HSPA12A: variants seen among roughly 807,000 people sequenced by gnomAD.
HSPA12A encodes the protein heat shock protein family A (Hsp70) member 12A.
Under a neutral mutation model 69.2 loss-of-function variants are expected in HSPA12A, and 28 were observed. The observed-to-expected ratio is 0.40, with a 90% confidence interval of 0.30 to 0.55. The LOEUF (loss-of-function observed/expected upper bound fraction) is 0.55, where lower values mean the gene tolerates loss of function less well. Ranked by LOEUF, HSPA12A falls within the 20% of genes least tolerant of loss-of-function variation. The pLI is 0.38. For synonymous variants in HSPA12A, 345 were observed against 370.5 expected, an observed-to-expected ratio of 0.93 and a Z score of 0.79; for missense variants, 686 against 900.7, an observed-to-expected ratio of 0.76 and a Z score of 3.05.
At chr10:116,761,123 G>GCTCAAA (rs2133101383) in intron 2 of HSPA12A, among the ~76,000 whole-genome samples, 1 of 152,330 alleles carries the variant, frequency 6.6e-6, no homozygotes, top group African/African-American at 2.4e-5. Flanking sequence ...GCAGAGGTGG[G>GCTCAAA]TGAGTCACTT....
At chr10:116,788,211 GC>G (rs1236709719) in intron 2 of HSPA12A, among the ~76,000 whole-genome samples, 8 of 152,202 alleles carry the variant, frequency 5.3e-5, no homozygotes, top group Non-Finnish European at 7.3e-5. Flanking sequence ...GCGGGAGGCG[GC>G]CGTGCGCACA....
chr10:116,742,476 G>A lies in HSPA12A; in HGVS notation c.-7C>T, dbSNP rs1554887341. On this transcript the variant is annotated 5_prime_UTR_variant, in exon 1 of 12. Coordinates refer to ENST00000369209, the MANE Select transcript of HSPA12A (RefSeq NM_025015.3). The stretch of plus-strand genomic sequence containing the variant: ...CGGCCTCCTTGTCCGCCATGGTCGC[G>A]CAGCCCCGGACCGCGAGGGGAGCCT... The A allele has an allele frequency of 1.4e-6, 2 of 1,385,956 alleles. No individual in the cohort carries two copies. The highest frequency in any genetic ancestry group is 9.4e-7 in the Non-Finnish European group (1 of 1,067,296). The allele number at this position is 1,385,956 out of a possible 1,614,324, so 85.9% of individuals were successfully genotyped here. A position where few individuals can be genotyped will look rare whatever the true frequency, so the allele number is the denominator to read the frequency against.
chr10:116,788,125 A>G (rs1844617381), intron 2 of HSPA12A, among the ~76,000 whole-genome samples: 1 of 152,306 alleles, frequency 6.6e-6, no homozygotes, highest in East Asian at 1.9e-4. Context: ...CTGGAAACCA[A>G]CGCGCGTACA....
intron 1 of HSPA12A, among the ~76,000 whole-genome samples, chr10:116,837,913 GT>G: frequency 6.6e-6 from 1 of 152,084 alleles, no homozygotes; most frequent in Middle Eastern, 3.4e-3. Context: ...ATTTAAATGT[GT>G]TTCTATTTGC....
intron 2 of HSPA12A, among the ~76,000 whole-genome samples, chr10:116,767,013 G>A (rs1197429697): frequency 1.3e-5 from 2 of 152,152 alleles, no homozygotes; most frequent in Non-Finnish European, 2.9e-5. Context: ...AGGAGGGAAC[G>A]CCTGCTGGGG....
intron 2 of HSPA12A, among the ~76,000 whole-genome samples, chr10:116,787,022 G>A (rs7090301): frequency 0.73 from 110,545 of 150,620 alleles, 41,680 homozygotes; most frequent in Admixed American, 0.84. Flanking sequence ...ACACACGCAC[G>A]CACTCACACA....
At chr10:116,827,647 G>A (rs1270060293) in intron 2 of HSPA12A, 2 of 152,310 alleles carry the variant, frequency 1.3e-5, no homozygotes, top group African/African-American at 2.4e-5. Flanking sequence ...AGCTCTGGGT[G>A]TTGTTTGCTC....
At chr10:116,762,062 G>T (rs1392455422) in intron 2 of HSPA12A, among the ~76,000 whole-genome samples, 7 of 152,162 alleles carry the variant, frequency 4.6e-5, no homozygotes, top group Non-Finnish European at 8.8e-5. Context: ...AATATTCACT[G>T]AGTTCCTTTC....
intron 2 of HSPA12A, among the ~76,000 whole-genome samples, chr10:116,819,401 TA>T (rs1408787889): frequency 6.6e-6 from 1 of 152,210 alleles, no homozygotes; most frequent in Non-Finnish European, 1.5e-5. Context: ...TGTTGAAATC[TA>T]ATTCCCAGTG....
At chr10:116,813,716 A>C (rs1383034498) in intron 2 of HSPA12A, among the ~76,000 whole-genome samples, 1 of 148,490 alleles carries the variant, frequency 6.7e-6, no homozygotes, top group Non-Finnish European at 1.5e-5. Context: ...CTCCCTCTCT[A>C]CAAAAAAAAA....
Position 116,702,462 on chromosome 10 carries a change from G to C in HSPA12A, c.255-1333C>G, listed in dbSNP as rs78863157. Among the ~76,000 whole-genome samples the C allele has an allele frequency of 4.0e-3, 611 of 152,300 alleles. 2 individuals are homozygous for C. The highest frequency in any genetic ancestry group is 0.014 in the African/African-American group (593 of 41,574). On this transcript the variant is annotated intron_variant, in intron 3 of 11. Coordinates refer to ENST00000369209, the MANE Select transcript of HSPA12A (RefSeq NM_025015.3). ...GCATCAGTAGGACCATCTCAGTCCA[G>C]ATGGAGCTCCGGCCTCCACTGATAT...
chr10:116,688,033 G>A (rs965638081), intron 6 of HSPA12A, among the ~76,000 whole-genome samples: 5 of 152,192 alleles, frequency 3.3e-5, no homozygotes, highest in Middle Eastern at 3.4e-3. Flanking sequence ...TAGTGTTAGT[G>A]TATTTAATGT....
chr10:116,740,604 TG>T (rs1282438178), intron 1 of HSPA12A, among the ~76,000 whole-genome samples: 2 of 151,278 alleles, frequency 1.3e-5, no homozygotes, highest in Non-Finnish European at 2.9e-5. Context: ...CAGGTATGGG[TG>T]TCCCCATCCT....
intron 1 of HSPA12A, among the ~76,000 whole-genome samples, chr10:116,849,033 G>A (rs1243347326): frequency 6.6e-6 from 1 of 152,196 alleles, no homozygotes; most frequent in Non-Finnish European, 1.5e-5. Context: ...CCACCGCTCA[G>A]TAAGGATGCC....
At chr10:116,812,270 T>C (rs1845206011) in intron 2 of HSPA12A, among the ~76,000 whole-genome samples, 1 of 151,838 alleles carries the variant, frequency 6.6e-6, no homozygotes, top group Non-Finnish European at 1.5e-5. Flanking sequence ...CTGGCCAACA[T>C]GGTAAAACCC....
At chr10:116,794,277 T>C (rs1172628240) in intron 2 of HSPA12A, among the ~76,000 whole-genome samples, 3 of 151,932 alleles carry the variant, frequency 2.0e-5, no homozygotes, top group African/African-American at 7.3e-5. Flanking sequence ...ATAAAGAGTA[T>C]CACATAAGAT....
At chr10:116,697,519 C>T (rs1849945832) in intron 5 of HSPA12A, among the ~76,000 whole-genome samples, 1 of 152,062 alleles carries the variant, frequency 6.6e-6, no homozygotes, top group Non-Finnish European at 1.5e-5. Context: ...AGACCAAGCT[C>T]CAAGGAGGGC....
chr10:116,809,681 T>C (rs1017832837), intron 2 of HSPA12A, among the ~76,000 whole-genome samples: 18 of 152,274 alleles, frequency 1.2e-4, no homozygotes, highest in African/African-American at 4.3e-4. Flanking sequence ...AAATTGGCGG[T>C]TCCAATATTT....
intron 1 of HSPA12A, among the ~76,000 whole-genome samples, chr10:116,735,599 G>C (rs1851289664): frequency 6.6e-6 from 1 of 152,152 alleles, no homozygotes; most frequent in Non-Finnish European, 1.5e-5. Flanking sequence ...GGACTACCCA[G>C]ACTAGTTGAG....
Sources: allele counts gnomAD v4.1 joint callset (sites outside exome capture counted in the v4.1 genomes callset), GRCh38; gene constraint gnomAD v4.1.1; transcripts MANE v1.5; gene names NCBI Gene and HGNC (gene_info 2026-07-23, HGNC 2026-07-21).